The following PIK3CA variants were observed in gnomAD, a reference collection of about 807,000 sequenced individuals.
PIK3CA encodes the protein phosphatidylinositol 4,5-bisphosphate 3-kinase catalytic subunit alpha isoform.
In PIK3CA, 27 loss-of-function variants were observed where a neutral mutation model predicts 138.2. The observed-to-expected ratio is 0.20, with a 90% CI of 0.14 to 0.27. The LOEUF is 0.27. Ranked by LOEUF, PIK3CA falls within the 10% of genes least tolerant of loss-of-function variation. The pLI is 1.00. For missense variants in PIK3CA, 544 were observed against 1,277.4 expected, an observed-to-expected ratio of 0.43 and a Z score of 8.75; for synonymous variants, 358 against 413.2, an observed-to-expected ratio of 0.87 and a Z score of 1.62.
chr3:179,166,690 A>G lies in PIK3CA; in HGVS notation c.-77+18087A>G, dbSNP rs182432481. 4.9e-4 allele frequency among the ~76,000 whole-genome samples: 74 copies of G among 152,336 alleles called. No individual in the cohort carries two copies. The East Asian group carries it at 0.013, about 27-fold the overall frequency. ...GTAGGAAACATTTTATTCTGCAACA[A>G]TTAAGGCAAACAGATATATGTGTGT... is the stretch of plus-strand genomic sequence containing the variant. On this transcript the variant is annotated intron_variant, in intron 1 of 20. Coordinates refer to ENST00000263967, the MANE Select transcript of PIK3CA (RefSeq NM_006218.4).
intron 1 of PIK3CA, among the ~76,000 whole-genome samples, chr3:179,170,908 G>T (rs1269640194): frequency 6.6e-6 from 1 of 152,070 alleles, no homozygotes; most frequent in Admixed American, 6.5e-5. Flanking sequence ...ACAGAAAACA[G>T]GATACAGAAG....
intron 1 of PIK3CA, among the ~76,000 whole-genome samples, chr3:179,190,551 G>A (rs1028419519): frequency 4.6e-5 from 7 of 152,166 alleles, no homozygotes; most frequent in Non-Finnish European, 7.4e-5. Context: ...TGTTGTTTCT[G>A]TAGCAAATGT....
At chr3:179,199,922 C>A (rs895669274) in intron 3 of PIK3CA, 23 bp downstream of exon 3, 1 of 1,341,642 alleles carries the variant, frequency 7.5e-7, no homozygotes, top group Non-Finnish European at 1.1e-6. Flanking sequence ...CTAATCTACT[C>A]TAATCATTAC....
chr3:179,221,380 C>G (rs1414807506), intron 14 of PIK3CA, among the ~76,000 whole-genome samples: 1 of 152,102 alleles, frequency 6.6e-6, no homozygotes, highest in Non-Finnish European at 1.5e-5. Context: ...CTTCATAAGG[C>G]CATTGTGAGA....
intron 6 of PIK3CA, among the ~76,000 whole-genome samples, chr3:179,206,652 C>T (rs547612991): frequency 2.6e-5 from 4 of 152,094 alleles, no homozygotes; most frequent in Admixed American, 6.5e-5. Flanking sequence ...TGGTGGCTCA[C>T]GCCTATAATC....
At chr3:179,203,843 T>C in intron 5 of PIK3CA, 54 bp downstream of exon 5, 1 of 1,333,560 alleles carries the variant, frequency 7.5e-7, no homozygotes. Context: ...TAGATAACCT[T>C]TTTCTTGCAC....
intron 3 of PIK3CA, 90 bp from the exon 4 acceptor site, chr3:179,201,200 A>G: frequency 9.3e-7 from 1 of 1,075,776 alleles, no homozygotes; most frequent in Non-Finnish European, 1.4e-6. Context: ...TCTGATATGG[A>G]TAAAGTAATG....
intron 1 of PIK3CA, among the ~76,000 whole-genome samples, chr3:179,163,420 C>A (rs1022093519): frequency 1.3e-5 from 2 of 152,092 alleles, no homozygotes; most frequent in Admixed American, 6.5e-5. Flanking sequence ...ACTCAGGAGA[C>A]TGAGGCAGGA....
intron 1 of PIK3CA, among the ~76,000 whole-genome samples, chr3:179,174,801 A>G (rs986799772): frequency 6.6e-6 from 1 of 152,160 alleles, no homozygotes; most frequent in African/African-American, 2.4e-5. Flanking sequence ...CAAATGCTAC[A>G]TGGGGTTATA....
intron 1 of PIK3CA, among the ~76,000 whole-genome samples, chr3:179,177,647 T>TAA (rs1453288778): frequency 2.0e-5 from 3 of 152,140 alleles, no homozygotes; most frequent in African/African-American, 7.2e-5. Context: ...TAACTAATTA[T>TAA]AAAGTATAGT....
intron 1 of PIK3CA, chr3:179,168,944 C>T (rs539407910): frequency 2.0e-5 from 3 of 151,538 alleles, no homozygotes; most frequent in East Asian, 1.9e-4. Flanking sequence ...CTTTATGAGC[C>T]GTATCTTACC....
At chr3:179,157,662 C>A (rs574229116) in intron 1 of PIK3CA, among the ~76,000 whole-genome samples, 2 of 151,932 alleles carry the variant, frequency 1.3e-5, no homozygotes, top group African/African-American at 4.8e-5. Flanking sequence ...AATTGAGGCA[C>A]GTAATCTGAC....
chr3:179,214,752 G>A (rs141659633), intron 9 of PIK3CA, among the ~76,000 whole-genome samples: 1 of 142,252 alleles, frequency 7.0e-6, no homozygotes, highest in South Asian at 2.1e-4. Flanking sequence ...ATAATACAGG[G>A]TACACCTGCA....
chr3:179,150,417 TAA>T (rs1470449293), intron 1 of PIK3CA, among the ~76,000 whole-genome samples: 1 of 152,202 alleles, frequency 6.6e-6, no homozygotes, highest in Non-Finnish European at 1.5e-5. Flanking sequence ...ATTGTGCGTA[TAA>T]AGTTTTAAAG....
intron 3 of PIK3CA, among the ~76,000 whole-genome samples, chr3:179,201,029 A>G (rs548953719): frequency 1.0e-3 from 156 of 152,328 alleles, no homozygotes; most frequent in African/African-American, 3.5e-3. Context: ...TAGAATGGAA[A>G]TTAGCTTGGT....
At chr3:179,231,672 A>G (rs1725216458) in intron 20 of PIK3CA, among the ~76,000 whole-genome samples, 1 of 90,264 alleles carries the variant, frequency 1.1e-5, no homozygotes, top group African/African-American at 4.8e-5. Context: ...ATGGAGTCTC[A>G]CTCTTGTTGC....
chr3:179,150,170 C>CGTGTGTGT (rs35995073), intron 1 of PIK3CA, among the ~76,000 whole-genome samples: 4,520 of 147,104 alleles, frequency 0.031, 86 homozygotes, highest in Admixed American at 0.06. Flanking sequence ...TGTGTGTTTA[C>CGTGTGTGT]GTGTGTGTGT....
intron 1 of PIK3CA, among the ~76,000 whole-genome samples, chr3:179,181,586 A>C (rs1406298237): frequency 2.0e-5 from 3 of 152,164 alleles, no homozygotes; most frequent in Non-Finnish European, 4.4e-5. Context: ...TAGGACCCAT[A>C]ATTTTATTTT....
intron 17 of PIK3CA, among the ~76,000 whole-genome samples, chr3:179,229,057 C>A (rs1164420160): frequency 6.6e-6 from 1 of 152,028 alleles, no homozygotes; most frequent in Non-Finnish European, 1.5e-5. Flanking sequence ...AGTGCTTTCT[C>A]AGTTGAAGGT....
Sources: gnomAD v4.1 joint callset for allele counts (sites outside exome capture counted in the v4.1 genomes callset) on GRCh38, gnomAD v4.1.1 for gene constraint, MANE v1.5 for transcripts, NCBI Gene and HGNC (gene_info 2026-07-23, HGNC 2026-07-21) for gene names.